Variants in SH3BGRL2 observed in about 807,000 individuals in gnomAD.
The protein encoded by SH3BGRL2 is SH3 domain-binding glutamic acid-rich-like protein 2.
A neutral mutation model predicts 14.8 loss-of-function variants in SH3BGRL2; 21 were observed. The ratio of observed to expected loss-of-function variants is 1.42; its 90% CI spans 1.01 to 2.05. SH3BGRL2 has a LOEUF of 2.05. Ranked by LOEUF, SH3BGRL2 falls within the 30% of genes most tolerant of loss-of-function variation. The pLI is 0.00. For missense variants in SH3BGRL2, 147 were observed against 130.8 expected (o/e 1.12, Z -0.61); for synonymous variants, 50 against 47.8 (o/e 1.05, Z -0.19).
At chr6:79,637,436 T>C (rs1362874089) in intron 1 of SH3BGRL2, among the ~76,000 whole-genome samples, 1 of 152,172 alleles carries the variant, frequency 6.6e-6, no homozygotes, top group African/African-American at 2.4e-5. Context: ...CTCATACCTG[T>C]AATCCTAGCA....
At chr6:79,637,423 T>G (rs1017593276) in intron 1 of SH3BGRL2, among the ~76,000 whole-genome samples, 2 of 152,178 alleles carry the variant, frequency 1.3e-5, no homozygotes, top group African/African-American at 2.4e-5. Context: ...CCGGGCACAG[T>G]GGCTCATACC....
the SH3BGRL2 span, among the ~76,000 whole-genome samples, chr6:79,566,886 G>C: frequency 7.7e-6 from 1 of 129,592 alleles, no homozygotes; most frequent in Non-Finnish European, 1.6e-5. Context: ...GACAGAGCAA[G>C]ACTCTGTCTC....
At chr6:79,623,178 C>T in the SH3BGRL2 span, among the ~76,000 whole-genome samples, 1 of 151,882 alleles carries the variant, frequency 6.6e-6, no homozygotes, top group African/African-American at 2.4e-5. Context: ...TGGTGGCATA[C>T]GCCTGTAATC....
intron 1 of SH3BGRL2, among the ~76,000 whole-genome samples, chr6:79,632,925 A>G (rs1368870077): frequency 6.6e-6 from 1 of 152,220 alleles, no homozygotes. Context: ...TGCTTCAATA[A>G]TTGTCCCAAT....
the SH3BGRL2 span, among the ~76,000 whole-genome samples, chr6:79,594,444 A>G: frequency 1.3e-5 from 2 of 152,182 alleles, no homozygotes; most frequent in East Asian, 3.9e-4. Context: ...GATCTGTCCC[A>G]ACTAAGCACT....
At chr6:79,598,527 A>C in the SH3BGRL2 span, among the ~76,000 whole-genome samples, 1 of 152,200 alleles carries the variant, frequency 6.6e-6, no homozygotes, top group Non-Finnish European at 1.5e-5. Context: ...ATATTGTATG[A>C]TTCCAGCTAT....
the SH3BGRL2 span, among the ~76,000 whole-genome samples, chr6:79,595,911 A>G: frequency 6.6e-6 from 1 of 152,224 alleles, no homozygotes; most frequent in Non-Finnish European, 1.5e-5. Context: ...ATAATCTTGT[A>G]TTTAGAAAAT....
chr6:79,565,770 G>A, the SH3BGRL2 span, among the ~76,000 whole-genome samples: 1 of 152,154 alleles, frequency 6.6e-6, no homozygotes, highest in Non-Finnish European at 1.5e-5. Context: ...AGATTCACTG[G>A]TACAGTGCAT....
the SH3BGRL2 span, among the ~76,000 whole-genome samples, chr6:79,619,705 A>G: frequency 6.6e-6 from 1 of 152,088 alleles, no homozygotes; most frequent in Non-Finnish European, 1.5e-5. Context: ...CATCACCCTG[A>G]GCTTTTTCAA....
At chr6:79,593,114 A>T in the SH3BGRL2 span, among the ~76,000 whole-genome samples, 2 of 152,210 alleles carry the variant, frequency 1.3e-5, no homozygotes, top group South Asian at 4.1e-4. Context: ...GAGGCTGGTA[A>T]ATCTGTATTA....
intron 1 of SH3BGRL2, among the ~76,000 whole-genome samples, chr6:79,664,809 A>C (rs1451394757): frequency 6.6e-6 from 1 of 152,266 alleles, no homozygotes; most frequent in African/African-American, 2.4e-5. Flanking sequence ...GAAATATTTC[A>C]TTTGAAAGAC....
At chr6:79,672,480 A>G (rs188536024) in intron 1 of SH3BGRL2, among the ~76,000 whole-genome samples, 67 of 152,110 alleles carry the variant, frequency 4.4e-4, no homozygotes, top group African/African-American at 1.5e-3. Flanking sequence ...TTAACCTACT[A>G]ATATGTCTTG....
the SH3BGRL2 span, among the ~76,000 whole-genome samples, chr6:79,571,642 C>T: frequency 2.6e-5 from 4 of 152,268 alleles, no homozygotes; most frequent in East Asian, 7.7e-4. Context: ...ACTGCAAAAA[C>T]TTAAAATCTA....
At chr6:79,677,467 C>T (rs551224862) in intron 2 of SH3BGRL2, among the ~76,000 whole-genome samples, 13 of 152,086 alleles carry the variant, frequency 8.5e-5, no homozygotes, top group Non-Finnish European at 1.6e-4. Flanking sequence ...TTTTCTACCC[C>T]AGAATTTGAA....
the SH3BGRL2 span, among the ~76,000 whole-genome samples, chr6:79,566,290 C>G: frequency 1.3e-5 from 2 of 152,274 alleles, no homozygotes; most frequent in East Asian, 3.9e-4. Flanking sequence ...ATACACTAAA[C>G]CTCCTTAATT....
the SH3BGRL2 span, among the ~76,000 whole-genome samples, chr6:79,560,297 GATTATT>G: frequency 6.6e-6 from 1 of 152,160 alleles, no homozygotes. Context: ...AGGCTAGAAG[GATTATT>G]AACCTACCAA....
At chr6:79,687,682 A>G (rs935412360) in intron 2 of SH3BGRL2, among the ~76,000 whole-genome samples, 14 of 152,216 alleles carry the variant, frequency 9.2e-5, no homozygotes, top group Middle Eastern at 3.2e-3. Flanking sequence ...TTGAAAGAAA[A>G]TTTGAGAAGC....
intron 1 of SH3BGRL2, among the ~76,000 whole-genome samples, chr6:79,639,810 TA>T (rs1231839913): frequency 2.0e-5 from 3 of 152,172 alleles, no homozygotes; most frequent in Admixed American, 6.5e-5. Context: ...GAGAGTTAGT[TA>T]GAGATTTAAG....
chr6:79,553,645 G>A, the SH3BGRL2 span, among the ~76,000 whole-genome samples: 1 of 149,172 alleles, frequency 6.7e-6, no homozygotes, highest in South Asian at 2.2e-4. Context: ...TTTCTGTGAA[G>A]TATCTCTGAT....
Sources: gnomAD v4.1 joint callset for allele counts (sites outside exome capture counted in the v4.1 genomes callset) on GRCh38, gnomAD v4.1.1 for gene constraint, MANE v1.5 for transcripts, NCBI Gene and HGNC (gene_info 2026-07-23, HGNC 2026-07-21) for gene names.